Variants in TASP1 observed in about 807,000 individuals in gnomAD.
TASP1 encodes the protein threonine aspartase 1.
In TASP1, 16 loss-of-function variants were observed where a neutral mutation model predicts 56.6. The ratio of observed to expected loss-of-function variants is 0.28; its 90% CI spans 0.19 to 0.43. The LOEUF is 0.43. Among genes scored for constraint, TASP1 ranks in the 20% least tolerant of loss-of-function variants. The pLI is 1.00. For missense variants in TASP1, 393 were observed against 511.6 expected (o/e 0.77, Z 2.24); for synonymous variants, 179 against 184.2 (o/e 0.97, Z 0.23).
At chr20:13,203,978 C>A in the TASP1 span, among the ~76,000 whole-genome samples, 1 of 152,152 alleles carries the variant, frequency 6.6e-6, no homozygotes, top group South Asian at 2.1e-4. Context: ...AAGTGTTTGT[C>A]CAAATGCTTG....
chr20:13,490,299 A>G (rs1409183427), intron 10 of TASP1, among the ~76,000 whole-genome samples: 1 of 152,202 alleles, frequency 6.6e-6, no homozygotes, highest in Non-Finnish European at 1.5e-5. Context: ...GGAGTCCTGC[A>G]TATTTTAAAA....
chr20:13,256,177 C>T, the TASP1 span, among the ~76,000 whole-genome samples: 1 of 151,962 alleles, frequency 6.6e-6, no homozygotes, highest in Non-Finnish European at 1.5e-5. Context: ...GGGCAGATCA[C>T]CTGAGGTCAG....
intron 13 of TASP1, among the ~76,000 whole-genome samples, chr20:13,406,535 G>A (rs963046224): frequency 6.6e-6 from 1 of 152,140 alleles, no homozygotes; most frequent in East Asian, 1.9e-4. Context: ...CTCTTTGTCT[G>A]TTGTCAGTGT....
the TASP1 span, among the ~76,000 whole-genome samples, chr20:13,224,286 G>C: frequency 6.6e-6 from 1 of 152,118 alleles, no homozygotes; most frequent in Admixed American, 6.5e-5. Context: ...CCTGACCAAA[G>C]TTATTTCTTT....
At chr20:13,110,209 T>C in the TASP1 span, 1 of 1,613,114 alleles carries the variant, frequency 6.2e-7, no homozygotes, top group Non-Finnish European at 8.5e-7. Context: ...TGGTGGAGGG[T>C]GTCTACAGGT....
At chr20:13,110,797 G>T in the TASP1 span, among the ~76,000 whole-genome samples, 1 of 152,074 alleles carries the variant, frequency 6.6e-6, no homozygotes, top group East Asian at 1.9e-4. Flanking sequence ...ATTTCAGAGT[G>T]CCCAATCCTG....
At chr20:13,621,661 T>G (rs917600877) in intron 4 of TASP1, among the ~76,000 whole-genome samples, 2 of 152,192 alleles carry the variant, frequency 1.3e-5, no homozygotes, top group African/African-American at 4.8e-5. Flanking sequence ...TCAAAATGTA[T>G]TTTTATCATT....
chr20:13,550,026 T>C (rs753095221), intron 8 of TASP1, among the ~76,000 whole-genome samples: 21 of 152,028 alleles, frequency 1.4e-4, no homozygotes, highest in Non-Finnish European at 2.6e-4. Context: ...AGACTTCATA[T>C]AGATTTAAGG....
At chr20:13,204,543 A>G in the TASP1 span, among the ~76,000 whole-genome samples, 1 of 150,882 alleles carries the variant, frequency 6.6e-6, no homozygotes, top group East Asian at 2.0e-4. Flanking sequence ...ATATATATAT[A>G]TATGTATATT....
intron 12 of TASP1, among the ~76,000 whole-genome samples, chr20:13,430,382 A>G (rs955714826): frequency 5.9e-5 from 9 of 152,136 alleles, no homozygotes; most frequent in Non-Finnish European, 1.3e-4. Context: ...TTCAGTCAAG[A>G]TGTTGCCATA....
In TASP1 at chr20:13,620,982, T is replaced by C. The variant is rs113789506; in HGVS notation, c.282+2464A>G. 3.5e-4 allele frequency among the ~76,000 whole-genome samples: 53 copies of C among 152,374 alleles called. 2 individuals carry two copies. The highest frequency in any genetic ancestry group is 1.3e-3 in the African/African-American group (52 of 41,598). On this transcript the variant is annotated intron_variant, in intron 4 of 13. Coordinates refer to ENST00000337743, the MANE Select transcript of TASP1 (RefSeq NM_017714.3). ...GAAACTGCAGGGGGAAGTATAAGCA[T>C]GATTTCCAACATACTTCTTAAGATT...
chr20:13,433,841 TAAAAA>T (rs111973613), intron 12 of TASP1, among the ~76,000 whole-genome samples: 1 of 116,188 alleles, frequency 8.6e-6, no homozygotes. Flanking sequence ...GTGTTTGTAT[TAAAAA>T]AAAAAAAAAA....
At chr20:13,517,825 A>T (rs1017904505) in intron 10 of TASP1, among the ~76,000 whole-genome samples, 1 of 152,172 alleles carries the variant, frequency 6.6e-6, no homozygotes, top group Non-Finnish European at 1.5e-5. Context: ...ATATATTAAA[A>T]GTTAATCAGA....
intron 11 of TASP1, among the ~76,000 whole-genome samples, chr20:13,467,375 C>T (rs2044302005): frequency 6.6e-6 from 1 of 151,106 alleles, no homozygotes; most frequent in Admixed American, 6.6e-5. Flanking sequence ...ATTCAAACTA[C>T]CATCTATTAA....
chr20:13,583,007 T>C (rs1361156384), intron 5 of TASP1, among the ~76,000 whole-genome samples: 1 of 152,198 alleles, frequency 6.6e-6, no homozygotes, highest in Non-Finnish European at 1.5e-5. Context: ...GGGAGCAGCT[T>C]TCTCCAGCAT....
intron 11 of TASP1, among the ~76,000 whole-genome samples, chr20:13,439,025 T>C (rs1812223105): frequency 6.6e-6 from 1 of 152,072 alleles, no homozygotes; most frequent in Non-Finnish European, 1.5e-5. Flanking sequence ...GGAGGGGATG[T>C]GGAGAAATAG....
At chr20:13,166,035 G>C in the TASP1 span, 6 of 152,576 alleles carry the variant, frequency 3.9e-5, no homozygotes, top group African/African-American at 1.4e-4. Flanking sequence ...ATCTGATCTA[G>C]TTTGTATGGA....
At chr20:13,400,605 A>G (rs1291340913) in intron 13 of TASP1, among the ~76,000 whole-genome samples, 3 of 152,234 alleles carry the variant, frequency 2.0e-5, no homozygotes, top group Non-Finnish European at 4.4e-5. Flanking sequence ...TATCGCTTCA[A>G]CATTGCAGCA....
At chr20:13,293,131 C>T in the TASP1 span, among the ~76,000 whole-genome samples, 2 of 147,814 alleles carry the variant, frequency 1.4e-5, no homozygotes, top group South Asian at 2.2e-4. Context: ...ACCCAGGAGG[C>T]GGAGGTTGCA....
Sources: allele counts gnomAD v4.1 joint callset (sites outside exome capture counted in the v4.1 genomes callset), GRCh38; gene constraint gnomAD v4.1.1; transcripts MANE v1.5; gene names NCBI Gene and HGNC (gene_info 2026-07-23, HGNC 2026-07-21).